CNTLN: variants seen among roughly 807,000 people sequenced by gnomAD.
CNTLN encodes the protein centlein.
A neutral mutation model predicts 180.0 loss-of-function variants in CNTLN; 212 were observed. The ratio of observed to expected loss-of-function variants is 1.18; its 90% CI spans 1.05 to 1.32. The LOEUF (loss-of-function observed/expected upper bound fraction) is 1.32. CNTLN is among the 40% of genes most tolerant of loss of function. CNTLN has a pLI of 0.00. For synonymous variants in CNTLN, 722 were observed against 563.1 expected (o/e 1.28, Z -3.99); for missense variants, 2,095 against 1,610.9 (o/e 1.30, Z -5.14).
chr9:17,241,812 A>T (rs1825509862), intron 5 of CNTLN, among the ~76,000 whole-genome samples: 1 of 152,080 alleles, frequency 6.6e-6, no homozygotes, highest in Admixed American at 6.6e-5. Flanking sequence ...ATTTGTAGCT[A>T]TCATAAGTAG....
chr9:17,269,023 C>G (rs1404483828), intron 5 of CNTLN, among the ~76,000 whole-genome samples: 2 of 152,052 alleles, frequency 1.3e-5, no homozygotes, highest in Non-Finnish European at 1.5e-5. Flanking sequence ...CTGGCTAGCG[C>G]ACGGTGCGCT....
chr9:17,274,475 A>G (rs1015273533), intron 6 of CNTLN, among the ~76,000 whole-genome samples: 15 of 145,762 alleles, frequency 1.0e-4, no homozygotes, highest in African/African-American at 2.8e-4. Context: ...CTATCTATCT[A>G]TCTATCTATC....
chr9:17,298,230 A>C lies in CNTLN; in HGVS notation c.1024A>C (p.Ser342Arg). 1 of 1,593,564 alleles carries C rather than the reference A, an allele frequency of 6.3e-7. No individual in the cohort carries two copies. The highest frequency in any genetic ancestry group is 8.5e-7 in the Non-Finnish European group (1 of 1,171,688). Residue 342 changes from serine to arginine, a missense_variant, in exon 7 of 26, where the codon AGT (serine) becomes CGT (arginine). Ser to Arg is a moderately radical substitution (Grantham distance 110). Coordinates refer to ENST00000380647, the MANE Select transcript of CNTLN (RefSeq NM_017738.4). ...GCTGCAGAATCTTTACAAACAGAAC[A>C]GTACACATACAGCCCAGCAAGCAGA... ...QELQNLYKQN[S>R]THTAQQAELI...
At chr9:17,170,476 G>A (rs1051012075) in intron 2 of CNTLN, among the ~76,000 whole-genome samples, 1 of 151,994 alleles carries the variant, frequency 6.6e-6, no homozygotes, top group African/African-American at 2.4e-5. Flanking sequence ...CCTAAGTACT[G>A]TAGTCTTTCT....
chr9:17,450,024 G>T (rs549642048), intron 18 of CNTLN, among the ~76,000 whole-genome samples: 2 of 152,296 alleles, frequency 1.3e-5, no homozygotes, highest in Non-Finnish European at 2.9e-5. Context: ...GCTAGAACTT[G>T]TGTTACAAAG....
chr9:17,369,699 TAGTC>T (rs1406254681), intron 13 of CNTLN, among the ~76,000 whole-genome samples: 1 of 151,474 alleles, frequency 6.6e-6, no homozygotes, highest in Non-Finnish European at 1.5e-5. Flanking sequence ...TGAAAATACA[TAGTC>T]AGGGCGGGTG....
chr9:17,309,951 G>A lies in CNTLN; in HGVS notation c.1341+699G>A, dbSNP rs900269167. 1.3e-4 allele frequency among the ~76,000 whole-genome samples: 20 copies of A among 151,800 alleles called. 1 individual carries two copies. Among genetic ancestry groups the A allele is most frequent in the African/African-American group, 2.2e-4 (9 of 41,334 alleles). On this transcript the variant is annotated intron_variant, in intron 8 of 25. Transcript: ENST00000380647. ...CAGTAATGGATTGTAATTTTTGAAC[G>A]CAGCACATTTGTCTTGCTAATTAAC... is the stretch of plus-strand genomic sequence containing the variant.
chr9:17,205,495 G>C (rs1822852667), intron 2 of CNTLN, among the ~76,000 whole-genome samples: 1 of 152,152 alleles, frequency 6.6e-6, no homozygotes, highest in African/African-American at 2.4e-5. Flanking sequence ...ACCAGACCAT[G>C]ATGTCTTTAT....
intron 3 of CNTLN, among the ~76,000 whole-genome samples, chr9:17,232,485 G>A (rs867200163): frequency 1.0e-5 from 1 of 98,164 alleles, no homozygotes; most frequent in South Asian, 4.0e-4. Context: ...GTCAGTGCCT[G>A]TTTAGTTTAC....
intron 18 of CNTLN, among the ~76,000 whole-genome samples, chr9:17,450,893 GA>G (rs1338229491): frequency 6.6e-6 from 1 of 151,864 alleles, no homozygotes; most frequent in Non-Finnish European, 1.5e-5. Flanking sequence ...ATTGTAACAA[GA>G]AAATTAATGT....
At chr9:17,284,525 A>G (rs1563956122) in intron 6 of CNTLN, among the ~76,000 whole-genome samples, 2 of 152,198 alleles carry the variant, frequency 1.3e-5, no homozygotes, top group South Asian at 2.1e-4. Flanking sequence ...TGTTTCTTCT[A>G]GATTTTCTAG....
Position 17,210,376 on chromosome 9 carries a change from C to T in CNTLN, c.450-15827C>T, listed in dbSNP as rs538055318. ...ATGGTTTCCAGCTTCATCCATGTCC[C>T]TACAAAGGACATAAACTCATCCTTT... On this transcript the variant is annotated intron_variant, in intron 2 of 25. Transcript: ENST00000380647. Among the ~76,000 whole-genome samples the T allele has an allele frequency of 2.0e-5, 3 of 152,272 alleles. No homozygotes were observed. In the East Asian group the frequency reaches 5.8e-4, roughly 29 times the overall value.
chr9:17,452,829 A>G lies in CNTLN; in HGVS notation c.3115-4695A>G, dbSNP rs181023122. Among the ~76,000 whole-genome samples the G allele has an allele frequency of 2.1e-3, 315 of 152,260 alleles. 1 individual carries two copies. Among genetic ancestry groups the G allele is most frequent in the African/African-American group, 7.1e-3 (296 of 41,560 alleles). ...ATAAGAAAACAAGGGAAAATAGGCC[A>G]GGGGTGACTAATTTACCCTATTCAT... On this transcript the variant is annotated intron_variant, in intron 18 of 25. Transcript: ENST00000380647.
intron 2 of CNTLN, among the ~76,000 whole-genome samples, chr9:17,219,836 G>A (rs1824013174): frequency 6.6e-6 from 1 of 151,966 alleles, no homozygotes; most frequent in Non-Finnish European, 1.5e-5. Context: ...TTTCTGGTGA[G>A]GGCTCTTTGT....
intron 13 of CNTLN, 28 bp from the exon 14 acceptor site, chr9:17,388,134 T>A: frequency 6.9e-7 from 1 of 1,449,802 alleles, no homozygotes; most frequent in South Asian, 1.2e-5. Flanking sequence ...ACACGTGGTA[T>A]CATAATATAT....
chr9:17,237,318 C>G (rs1181017818), intron 5 of CNTLN, among the ~76,000 whole-genome samples: 1 of 145,084 alleles, frequency 6.9e-6, no homozygotes, highest in African/African-American at 2.5e-5. Context: ...GATTTTAGTA[C>G]TAGTAAATAT....
intron 23 of CNTLN, among the ~76,000 whole-genome samples, chr9:17,477,603 G>C (rs1162116132): frequency 6.6e-6 from 1 of 152,198 alleles, no homozygotes; most frequent in Admixed American, 6.5e-5. Flanking sequence ...AGTGGAGGAA[G>C]AAACTGCAGA....
chr9:17,521,113 G>C, the CNTLN span, among the ~76,000 whole-genome samples: 2 of 152,110 alleles, frequency 1.3e-5, no homozygotes, highest in African/African-American at 4.8e-5. Flanking sequence ...TAATTATCAA[G>C]GTGATGTTTT....
chr9:17,178,598 A>G (rs1467673336), intron 2 of CNTLN, among the ~76,000 whole-genome samples: 9 of 152,022 alleles, frequency 5.9e-5, no homozygotes, highest in Non-Finnish European at 1.3e-4. Context: ...AGGCCCGGTG[A>G]GAAATCGAGC....
Sources: allele counts gnomAD v4.1 joint callset (sites outside exome capture counted in the v4.1 genomes callset), GRCh38; gene constraint gnomAD v4.1.1; transcripts MANE v1.5; gene names NCBI Gene and HGNC (gene_info 2026-07-23, HGNC 2026-07-21).